Variants in TECR observed in about 807,000 individuals in gnomAD.
TECR encodes very-long-chain enoyl-CoA reductase.
A neutral mutation model predicts 50.6 loss-of-function variants in TECR; 19 were observed. The ratio of observed to expected loss-of-function variants is 0.38; its 90% CI spans 0.26 to 0.55. The LOEUF (loss-of-function observed/expected upper bound fraction) is 0.55, where lower values mean the gene tolerates loss of function less well. Ranked by LOEUF, TECR falls within the 20% of genes least tolerant of loss-of-function variation. TECR has a pLI of 0.79. For missense variants in TECR, 313 were observed against 408.3 expected, an observed-to-expected ratio of 0.77 and a Z score of 2.01; for synonymous variants, 168 against 163.5, an observed-to-expected ratio of 1.03 and a Z score of -0.21.
chr19:14,553,303 T>C (rs1599470523), intron 1 of TECR, among the ~76,000 whole-genome samples: 1 of 152,116 alleles, frequency 6.6e-6, no homozygotes, highest in African/African-American at 2.4e-5. Flanking sequence ...GACATTGGCA[T>C]TGAGACCCTG....
chr19:14,544,276 A>C (rs1343462699), intron 1 of TECR, among the ~76,000 whole-genome samples: 2 of 151,792 alleles, frequency 1.3e-5, no homozygotes, highest in Non-Finnish European at 2.9e-5. Flanking sequence ...GCACCTTCTG[A>C]TAAGGCATGT....
At chr19:14,537,040 G>A (rs1276177919) in intron 1 of TECR, among the ~76,000 whole-genome samples, 1 of 147,126 alleles carries the variant, frequency 6.8e-6, no homozygotes. Context: ...AGGGGGAGGC[G>A]GGTCCCAAGG....
chr19:14,529,668 C>T lies in TECR; in HGVS notation c.-29C>T, dbSNP rs781353464. The T allele has an allele frequency of 5.2e-5, 84 of 1,613,634 alleles. No homozygotes were observed. In the South Asian group the frequency reaches 9.0e-4, roughly 17 times the overall value. The stretch of plus-strand genomic sequence containing the variant: ...CCGCGCAGTTAGGCAGCAGCAGCCG[C>T]GGAGCAGTAGCCGCCGTGGGAGGGA... On this transcript the variant is annotated 5_prime_UTR_variant, in exon 1 of 13. Coordinates refer to ENST00000215567, the MANE Select transcript of TECR (RefSeq NM_138501.6).
chr19:14,558,168 T>C (rs2146619810), intron 1 of TECR, among the ~76,000 whole-genome samples: 1 of 152,218 alleles, frequency 6.6e-6, no homozygotes, highest in Middle Eastern at 3.4e-3. Flanking sequence ...TCAGAGAGGT[T>C]GGGTAACTTG....
chr19:14,530,632 T>TA (rs1166207534), intron 1 of TECR: 3 of 152,130 alleles, frequency 2.0e-5, no homozygotes, highest in African/African-American at 7.2e-5. Flanking sequence ...CAAAGGCCCC[T>TA]AGTTAGTAAA....
At chr19:14,544,969 A>G (rs910561263) in intron 1 of TECR, 9 of 392,442 alleles carry the variant, frequency 2.3e-5, no homozygotes, top group Admixed American at 5.9e-5. Flanking sequence ...ATCAGAATCT[A>G]GGAACTGCGG....
intron 1 of TECR, among the ~76,000 whole-genome samples, chr19:14,542,212 G>T (rs1469820716): frequency 6.6e-6 from 1 of 152,004 alleles, no homozygotes; most frequent in Non-Finnish European, 1.5e-5. Context: ...TGATCCTCCT[G>T]CCTTGACCTC....
chr19:14,562,162 T>G, intron 1 of TECR: 3 of 572,570 alleles, frequency 5.2e-6, no homozygotes, highest in Admixed American at 3.0e-5. Flanking sequence ...CTGGGGTGGT[T>G]TTATATTTAG....
At chr19:14,565,713 G>A (rs746610562) in intron 12 of TECR, 31 bp from the exon 13 acceptor site, 1 of 1,611,964 alleles carries the variant, frequency 6.2e-7, no homozygotes, top group African/African-American at 1.3e-5. Context: ...CGGGCCGGCA[G>A]CCCCTCCCTG....
In TECR at chr19:14,554,352, A is replaced by G. The variant is rs1015041702; in HGVS notation, c.16-8173A>G. 2.6e-5 allele frequency among the ~76,000 whole-genome samples: 4 copies of G among 152,156 alleles called. No homozygotes were observed. The East Asian group carries it at 7.7e-4, about 29-fold the overall frequency. ...CACAGAAGTTTCAGGTTCATAAGCCATGGGAGATGAGGCCGGCCCAGAATC... is the reference window on the plus strand; with the variant it reads ...CACAGAAGTTTCAGGTTCATAAGCCGTGGGAGATGAGGCCGGCCCAGAATC... On this transcript the variant is annotated intron_variant, in intron 1 of 12. Coordinates refer to ENST00000215567, the MANE Select transcript of TECR (RefSeq NM_138501.6).
chr19:14,565,184 TTC>T lies in TECR; in HGVS notation c.665-16_665-15del. ...TGGGTGAGGGGGTCTGACTTTCTCC[TTC>T]TGTCCTGCCTGCCAGGGTCCAAGAC... On this transcript the variant is annotated splice_polypyrimidine_tract_variant and intron_variant, in intron 10 of 12. Transcript: ENST00000215567. 6.2e-7 allele frequency: 1 copy of T among 1,613,880 alleles called. No homozygotes were observed.
At chr19:14,553,257 T>C (rs949246877) in intron 1 of TECR, among the ~76,000 whole-genome samples, 1 of 152,188 alleles carries the variant, frequency 6.6e-6, no homozygotes, top group Non-Finnish European at 1.5e-5. Context: ...CCGCTGCCTC[T>C]GCACCTGGCC....
intron 1 of TECR, among the ~76,000 whole-genome samples, chr19:14,542,073 G>A (rs939218214): frequency 2.0e-5 from 3 of 151,998 alleles, no homozygotes; most frequent in Non-Finnish European, 4.4e-5. Flanking sequence ...GTGAGCCACT[G>A]CCCTGCCTCA....
intron 1 of TECR, among the ~76,000 whole-genome samples, chr19:14,535,999 A>T (rs990737118): frequency 6.6e-6 from 1 of 151,928 alleles, no homozygotes; most frequent in Admixed American, 6.6e-5. Context: ...TCTTTGCTGT[A>T]GGCACTCAGA....
rs2073966804 is a variant in TECR, at chr19:14,563,504, C to T, written c.119-154C>T. 22 of 1,027,742 alleles carry T rather than the reference C, an allele frequency of 2.1e-5. No homozygotes were observed. Among genetic ancestry groups the T allele is most frequent in the Non-Finnish European group, 2.8e-5 (19 of 681,614 alleles). The allele number at this position is 1,027,742 out of a possible 1,614,324, so 63.7% of individuals were successfully genotyped here. On this transcript the variant is annotated intron_variant, in intron 3 of 12. Coordinates refer to ENST00000215567, the MANE Select transcript of TECR (RefSeq NM_138501.6). The surrounding 1 kb of genome is among the most constrained non-coding windows in gnomAD (Gnocchi z 5.3). ...TCTTCTGGCTTGTGTCCTGAAACCGCACAAGCCTGAGGGTTTGCCCCCAGG... is the reference window on the plus strand; with the variant it reads ...TCTTCTGGCTTGTGTCCTGAAACCGTACAAGCCTGAGGGTTTGCCCCCAGG...
intron 1 of TECR, among the ~76,000 whole-genome samples, chr19:14,541,074 A>T (rs11085896): frequency 1.3e-5 from 2 of 151,776 alleles, no homozygotes; most frequent in Admixed American, 1.3e-4. Context: ...GATCTGCCCA[A>T]CTTGGCCTCC....
intron 1 of TECR, among the ~76,000 whole-genome samples, chr19:14,551,256 G>A (rs1370794417): frequency 1.3e-5 from 2 of 151,268 alleles, no homozygotes; most frequent in African/African-American, 4.9e-5. Flanking sequence ...TGTATTTTTA[G>A]TAGAGATAGG....
intron 1 of TECR, among the ~76,000 whole-genome samples, chr19:14,540,748 C>T (rs541679394): frequency 4.6e-5 from 7 of 152,184 alleles, no homozygotes; most frequent in East Asian, 1.9e-4. Context: ...AGGATGGCCT[C>T]GAACTCTTGA....
chr19:14,536,239 C>T lies in TECR; in HGVS notation c.15+6528C>T, dbSNP rs563958864. Among the ~76,000 whole-genome samples, 18 of 150,724 alleles carry T rather than the reference C, an allele frequency of 1.2e-4. No individual in the cohort carries two copies. The East Asian group carries it at 2.7e-3, about 23-fold the overall frequency. On this transcript the variant is annotated intron_variant, in intron 1 of 12. Transcript: ENST00000215567. ...TGCCACTGACAAGGTTTGGAGCCCA[C>T]GGGCAAGGTCTTTAGTTTCTCGAGC...
Sources: allele counts gnomAD v4.1 joint callset (sites outside exome capture counted in the v4.1 genomes callset), GRCh38; gene constraint gnomAD v4.1.1; non-coding constraint Gnocchi (gnomAD v3.1); transcripts MANE v1.5; gene names NCBI Gene and HGNC (gene_info 2026-07-23, HGNC 2026-07-21).